Variants in PUS7 observed in about 807,000 individuals in gnomAD.
PUS7 encodes pseudouridylate synthase 7 homolog.
PUS7 carries 48 observed loss-of-function variants against 79.8 expected under a neutral mutation model. The observed-to-expected ratio is 0.60, with a 90% CI of 0.48 to 0.76. The LOEUF (loss-of-function observed/expected upper bound fraction) is 0.76. Ranked by LOEUF, PUS7 falls within the 30% of genes least tolerant of loss-of-function variation. PUS7 has a pLI of 0.00. For missense variants in PUS7, 729 were observed against 797.6 expected (o/e 0.91, Z 1.04); for synonymous variants, 286 against 272.2 (o/e 1.05, Z -0.50).
chr7:105,483,793 G>A (rs1453591824), intron 7 of PUS7, among the ~76,000 whole-genome samples: 1 of 152,140 alleles, frequency 6.6e-6, no homozygotes, highest in Admixed American at 6.6e-5. Flanking sequence ...AGTGCACCTG[G>A]CCATCTTTTT....
chr7:105,512,056 A>G (rs966442568), intron 1 of PUS7, among the ~76,000 whole-genome samples: 12 of 146,792 alleles, frequency 8.2e-5, no homozygotes, highest in African/African-American at 2.7e-4. Flanking sequence ...GAGGTAGGAG[A>G]ATCGCTTGAA....
chr7:105,504,070 C>CTT lies in PUS7; in HGVS notation c.586-1508_586-1507dup, dbSNP rs11455671. ...CTGCTACTGGCTAAACTTGATGACACTTTTTTTTTTTTTTTTGAGACACAG... is the reference window on the plus strand; with the variant it reads ...CTGCTACTGGCTAAACTTGATGACACTTTTTTTTTTTTTTTTTTGAGACACAG... On this transcript the variant is annotated intron_variant, in intron 4 of 15. Transcript: ENST00000469408. 5.2e-3 allele frequency among the ~76,000 whole-genome samples: 712 copies of CTT among 136,988 alleles called. 7 individuals are homozygous for CTT. Among genetic ancestry groups the CTT allele is most frequent in the African/African-American group, 0.017 (647 of 37,074 alleles). The allele number at this position is 136,988 out of a possible 152,430, so 89.9% of individuals were successfully genotyped here. A position where few individuals can be genotyped will look rare whatever the true frequency, so the allele number is the denominator to read the frequency against.
At chr7:105,519,321 C>T (rs1826015136) in intron 1 of PUS7, among the ~76,000 whole-genome samples, 1 of 151,908 alleles carries the variant, frequency 6.6e-6, no homozygotes, top group South Asian at 2.1e-4. Context: ...GCAATCTCCA[C>T]TTCCAGCGTT....
At chr7:105,469,538 C>T (rs1216600113) in intron 11 of PUS7, among the ~76,000 whole-genome samples, 1 of 152,218 alleles carries the variant, frequency 6.6e-6, no homozygotes, top group Non-Finnish European at 1.5e-5. Context: ...CGGCTGAATG[C>T]AACCTCTGCC....
At chr7:105,462,863 T>G (rs1489565809) in intron 13 of PUS7, 113 bp from the exon 14 acceptor site, 15 of 974,536 alleles carry the variant, frequency 1.5e-5, no homozygotes, top group Non-Finnish European at 2.3e-5. Flanking sequence ...CTAATAAAAT[T>G]AGTCACCTTA....
At chr7:105,507,853 T>C (rs542933255) in intron 2 of PUS7, among the ~76,000 whole-genome samples, 15 of 152,264 alleles carry the variant, frequency 9.9e-5, no homozygotes, top group South Asian at 6.2e-4. Context: ...ATGAATTTAT[T>C]TGAGGCATGA....
At chr7:105,471,091 A>G (rs1372504154) in intron 10 of PUS7, among the ~76,000 whole-genome samples, 2 of 152,242 alleles carry the variant, frequency 1.3e-5, no homozygotes, top group African/African-American at 4.8e-5. Context: ...ACTGTTCATT[A>G]TAACAGCTGA....
At chr7:105,520,253 A>G (rs1826053494) in intron 1 of PUS7, among the ~76,000 whole-genome samples, 1 of 152,098 alleles carries the variant, frequency 6.6e-6, no homozygotes, top group South Asian at 2.1e-4. Flanking sequence ...AGGTCAGGAA[A>G]TCGAGACCAT....
At position 105,502,490 on chromosome 7, in the gene PUS7, T is replaced by C; in HGVS notation, c.660A>G (p.Thr220=). The change falls in exon 5 of 16, where the codon ACA becomes ACG. Residue 220 remains threonine (T), a synonymous_variant. Transcript: ENST00000469408. ...AIKSLFPGLE[T]KTEDREGKKY... is the part of the protein sequence containing the mutation. ...TCTTCCCCTCCCTATCCTCTGTTTT[T>C]GTCTCTAATCCTGGAAACAGAGATT... The C allele has an allele frequency of 1.9e-6, 3 of 1,614,162 alleles. No homozygotes were observed. The highest frequency in any genetic ancestry group is 2.5e-6 in the Non-Finnish European group (3 of 1,179,984).
chr7:105,517,359 C>A (rs529305977), intron 1 of PUS7, among the ~76,000 whole-genome samples: 12 of 152,036 alleles, frequency 7.9e-5, no homozygotes, highest in African/African-American at 2.7e-4. Flanking sequence ...CGGGTTTTCA[C>A]CATGTTGGCC....
At chr7:105,495,355 G>T in intron 5 of PUS7, 102 bp from the exon 6 acceptor site, 1 of 687,406 alleles carries the variant, frequency 1.5e-6, no homozygotes, top group Non-Finnish European at 2.5e-6. Flanking sequence ...ATCAGTTCTA[G>T]TCTGATAAAG....
chr7:105,510,193 G>A (rs914434505), intron 1 of PUS7, among the ~76,000 whole-genome samples: 9 of 151,984 alleles, frequency 5.9e-5, no homozygotes, highest in African/African-American at 1.2e-4. Context: ...CCAGCTACTC[G>A]GGAGACTGAG....
At chr7:105,508,735 G>A (rs553801100) in intron 1 of PUS7, among the ~76,000 whole-genome samples, 191 bp from the exon 2 acceptor site, 1 of 151,018 alleles carries the variant, frequency 6.6e-6, no homozygotes, top group African/African-American at 2.4e-5. Context: ...AGTTAGGCGT[G>A]GGTGGCAGGC....
chr7:105,520,451 G>A (rs1036066069), intron 1 of PUS7, among the ~76,000 whole-genome samples: 1 of 116,964 alleles, frequency 8.5e-6, no homozygotes, highest in African/African-American at 2.6e-5. Context: ...CAAGCTGGGT[G>A]AATGCTTAAC....
intron 12 of PUS7, among the ~76,000 whole-genome samples, chr7:105,467,353 G>A (rs1223499212): frequency 6.7e-6 from 1 of 148,464 alleles, no homozygotes; most frequent in Non-Finnish European, 1.5e-5. Context: ...GCAGTGGTGT[G>A]ATCTCGGCTC....
intron 9 of PUS7, among the ~76,000 whole-genome samples, chr7:105,474,612 CAAAAAA>C (rs10540161): frequency 1.8e-4 from 23 of 126,394 alleles, no homozygotes; most frequent in Admixed American, 4.1e-4. Context: ...ACTAAAAATA[CAAAAAA>C]AAAAAAAAAA....
intron 9 of PUS7, among the ~76,000 whole-genome samples, chr7:105,475,286 C>T (rs10243447): frequency 0.21 from 31,445 of 151,800 alleles, 8,869 homozygotes; most frequent in African/African-American, 0.64. Flanking sequence ...CCCGGGTTCA[C>T]GCCATTCTTC....
chr7:105,475,600 G>C lies in PUS7; in HGVS notation c.1176-3407C>G, dbSNP rs149077965. The stretch of plus-strand genomic sequence containing the variant: ...GCTTCCCAAAGTGCTGGCATTACAG[G>C]TGTGAGCCACCACGCCTGACCAGAT... On this transcript the variant is annotated intron_variant, in intron 9 of 15. Coordinates refer to ENST00000469408, the MANE Select transcript of PUS7 (RefSeq NM_019042.5). 8.4e-3 allele frequency among the ~76,000 whole-genome samples: 1,272 copies of C among 152,260 alleles called. 12 individuals carry two copies. The highest frequency in any genetic ancestry group is 0.028 in the African/African-American group (1,171 of 41,548).
chr7:105,466,479 C>T (rs896228021), intron 12 of PUS7, among the ~76,000 whole-genome samples: 20 of 152,138 alleles, frequency 1.3e-4, no homozygotes, highest in African/African-American at 4.6e-4. Flanking sequence ...TCTTGAACTC[C>T]TGGGCTCAAG....
Sources: gnomAD v4.1 joint callset for allele counts (sites outside exome capture counted in the v4.1 genomes callset) on GRCh38, gnomAD v4.1.1 for gene constraint, MANE v1.5 for transcripts, NCBI Gene and HGNC (gene_info 2026-07-23, HGNC 2026-07-21) for gene names.